OPA1: variants seen among roughly 807,000 people sequenced by gnomAD.
OPA1 encodes dynamin-like GTPase OPA1, mitochondrial.
Under a neutral mutation model 152.9 loss-of-function variants are expected in OPA1, and 59 were observed. The ratio of observed to expected loss-of-function variants is 0.39; its 90% confidence interval spans 0.31 to 0.48. The LOEUF (loss-of-function observed/expected upper bound fraction) is 0.48. Among genes scored for constraint, OPA1 ranks in the 20% least tolerant of loss-of-function variants. OPA1 has a pLI of 0.96. For synonymous variants in OPA1, 400 were observed against 389.9 expected, an observed-to-expected ratio of 1.03 and a Z score of -0.31; for missense variants, 1,008 against 1,216.8, an observed-to-expected ratio of 0.83 and a Z score of 2.55.
At position 193,618,679 on chromosome 3, in the gene OPA1, GTTTT is replaced by G. The variant is rs145678823; in HGVS notation, c.611-183_611-180del. 8 of 527,626 alleles carry G rather than the reference GTTTT, an allele frequency of 1.5e-5. 1 individual carries two copies. Among genetic ancestry groups the G allele is most frequent in the South Asian group, 9.3e-5 (4 of 43,128 alleles). 32.7% of individuals were successfully genotyped at this position (527,626 alleles called of 1,614,324 possible). A position where few individuals can be genotyped will look rare whatever the true frequency, so the allele number is the denominator to read the frequency against. On this transcript the variant is annotated intron_variant, in intron 5 of 30. Transcript: ENST00000361510. ...ACATATGCTGCGATTGCTATAGTTA[GTTTT>G]TTTTTTATTTTCTGCACAGGTTATC...
chr3:193,680,383 G>A (rs1322249694), intron 29 of OPA1, among the ~76,000 whole-genome samples: 1 of 152,182 alleles, frequency 6.6e-6, no homozygotes. Context: ...GTAACAGCTT[G>A]AAGAAAGACC....
intron 9 of OPA1, 44 bp downstream of exon 9, chr3:193,635,566 A>G (rs372412198): frequency 4.8e-5 from 55 of 1,155,774 alleles, no homozygotes; most frequent in Middle Eastern, 3.9e-4. Context: ...TTTACCGCTT[A>G]ACGTTGTGTG....
chr3:193,613,778 A>G (rs1728612114), intron 1 of OPA1, among the ~76,000 whole-genome samples: 1 of 152,058 alleles, frequency 6.6e-6, no homozygotes, highest in Non-Finnish European at 1.5e-5. Flanking sequence ...GGGTTTCACC[A>G]TGTTGGCCAG....
chr3:193,637,159 A>G (rs768304610), intron 9 of OPA1, 36 bp from the exon 10 acceptor site: 2 of 1,154,440 alleles, frequency 1.7e-6, no homozygotes, highest in Non-Finnish European at 2.5e-6. Context: ...CTTTACTTTT[A>G]CTGTTTTATA....
At chr3:193,638,819 G>T (rs1733324699) in intron 11 of OPA1, among the ~76,000 whole-genome samples, 1 of 152,178 alleles carries the variant, frequency 6.6e-6, no homozygotes, top group Non-Finnish European at 1.5e-5. Context: ...GCTTGAAATA[G>T]AATGTCTTTT....
chr3:193,648,075 C>T lies in OPA1; in HGVS notation c.1876C>T (p.Arg626Cys), dbSNP rs762902650. 2 of 1,612,864 alleles carry T rather than the reference C, an allele frequency of 1.2e-6. No individual in the cohort carries two copies. Among genetic ancestry groups the T allele is most frequent in the Non-Finnish European group, 1.7e-6 (2 of 1,178,932 alleles). Residue 626 changes from arginine (R) to cysteine (C), a missense_variant, in exon 20 of 31, where the codon CGT becomes TGT. Transcript: ENST00000361510. ...EQQADSFKAT[R>C]FNLETEWKNN... ...AACTTTTCCTTCTTCCTCAGCAACA[C>T]GTTTTAACCTTGAAACTGAATGGAA...
chr3:193,673,185 G>A (rs1250145647), intron 29 of OPA1, among the ~76,000 whole-genome samples: 2 of 152,128 alleles, frequency 1.3e-5, no homozygotes, highest in African/African-American at 2.4e-5. Flanking sequence ...ATTTGGGAGG[G>A]AGTAAAAACT....
At chr3:193,634,660 G>A (rs186271424) in intron 8 of OPA1, among the ~76,000 whole-genome samples, 4 of 152,150 alleles carry the variant, frequency 2.6e-5, no homozygotes, top group Non-Finnish European at 5.9e-5. Context: ...CGTCTGCCTC[G>A]GCCTCCCAAA....
At chr3:193,671,798 A>C (rs994680108) in intron 29 of OPA1, among the ~76,000 whole-genome samples, 2 of 152,228 alleles carry the variant, frequency 1.3e-5, no homozygotes, top group African/African-American at 4.8e-5. Context: ...ATAACTAATA[A>C]TGGATTAGGG....
intron 16 of OPA1, among the ~76,000 whole-genome samples, chr3:193,644,687 A>G (rs1044941961): frequency 5.3e-5 from 8 of 152,178 alleles, no homozygotes; most frequent in Admixed American, 2.6e-4. Context: ...CTGCCGTGGC[A>G]TTAATGGTTC....
At chr3:193,659,997 A>C (rs1195958332) in intron 25 of OPA1, among the ~76,000 whole-genome samples, 3 of 152,122 alleles carry the variant, frequency 2.0e-5, no homozygotes, top group African/African-American at 7.2e-5. Context: ...AGTCAAAAAA[A>C]ATTAGCCAGG....
At chr3:193,660,497 T>G (rs1715010946) in intron 25 of OPA1, among the ~76,000 whole-genome samples, 2 of 152,220 alleles carry the variant, frequency 1.3e-5, no homozygotes, top group Non-Finnish European at 2.9e-5. Context: ...ACAAAGGGAA[T>G]AAAAATTGAC....
chr3:193,626,235 T>G, intron 7 of OPA1, 33 bp downstream of exon 7: 4 of 1,452,632 alleles, frequency 2.8e-6, no homozygotes, highest in Middle Eastern at 1.7e-4. Context: ...TACCGATACA[T>G]TCACACTAAT....
chr3:193,651,380 G>T (rs969619497), intron 21 of OPA1, among the ~76,000 whole-genome samples: 1 of 152,182 alleles, frequency 6.6e-6, no homozygotes, highest in Admixed American at 6.5e-5. Context: ...TGAGATACTT[G>T]AGAGGTTACC....
chr3:193,649,961 G>T (rs535095721), intron 21 of OPA1, among the ~76,000 whole-genome samples: 1 of 152,148 alleles, frequency 6.6e-6, no homozygotes, highest in African/African-American at 2.4e-5. Context: ...TATAATACTA[G>T]TTGCCTTGCT....
At chr3:193,614,644 A>T in intron 1 of OPA1, 79 bp from the exon 2 acceptor site, 3 of 1,018,380 alleles carry the variant, frequency 2.9e-6, no homozygotes, top group Non-Finnish European at 4.7e-6. Context: ...TGTTTCCTTT[A>T]GTATATTGCT....
chr3:193,618,494 A>AT, intron 5 of OPA1: 1 of 210,480 alleles, frequency 4.8e-6, no homozygotes, highest in South Asian at 6.8e-5. Flanking sequence ...CCAAAAAAAA[A>AT]AAGAAAAGAA....
At chr3:193,690,527 T>G (rs1380704209) in intron 29 of OPA1, among the ~76,000 whole-genome samples, 1 of 151,892 alleles carries the variant, frequency 6.6e-6, no homozygotes, top group African/African-American at 2.4e-5. Context: ...ATGAAAAGAA[T>G]AAATTACTGG....
In OPA1 at chr3:193,648,096, T is replaced by G; in HGVS notation, c.1897T>G (p.Trp633Gly). 6.2e-7 allele frequency: 1 copy of G among 1,613,756 alleles called. No homozygotes were observed. Among genetic ancestry groups the G allele is most frequent in the Non-Finnish European group, 8.5e-7 (1 of 1,179,636 alleles). The change falls in exon 20 of 31, where the codon TGG becomes GGG. Residue 633 changes from tryptophan to glycine, a missense_variant. Physicochemically the swap from Trp to Gly is radical, Grantham distance 184. Around this residue, in one of 7 missense-constraint regions of OPA1, gnomAD observed 229 missense variants for 269.0 expected, o/e 0.85. Transcript: ENST00000361510. ...AACACGTTTTAACCTTGAAACTGAA[T>G]GGAAGAATAACTATCCTCGCCTGCG... ...KATRFNLETE[W>G]KNNYPRLREL... is the part of the protein sequence containing the mutation.
Sources: allele counts gnomAD v4.1 joint callset (sites outside exome capture counted in the v4.1 genomes callset), GRCh38; gene constraint gnomAD v4.1.1; regional missense constraint gnomAD v4.1.1; transcripts MANE v1.5; gene names NCBI Gene and HGNC (gene_info 2026-07-23, HGNC 2026-07-21).